Variants in KLHL26 observed in about 807,000 individuals in gnomAD.
KLHL26 encodes the protein kelch like family member 26.
In KLHL26, 4 loss-of-function variants were observed where a neutral mutation model predicts 7.1. That is an observed-to-expected ratio of 0.56 (90% confidence interval 0.28 to 1.28). The LOEUF is 1.28. Among genes scored for constraint, KLHL26 ranks in the 50% most tolerant of loss-of-function variants. The probability of loss-of-function intolerance (pLI) is 0.11; values close to 1 mark genes in which losing one functional copy is unlikely to be tolerated. For synonymous variants in KLHL26, 465 were observed against 414.1 expected (o/e 1.12, Z -1.49); for missense variants, 896 against 924.6 (o/e 0.97, Z 0.40).
chr19:18,659,339 G>C (rs989601832), intron 1 of KLHL26, among the ~76,000 whole-genome samples: 1 of 152,222 alleles, frequency 6.6e-6, no homozygotes, highest in Non-Finnish European at 1.5e-5. Flanking sequence ...GTCCCCTGAA[G>C]TACAGCCTCT....
At chr19:18,642,338 AGT>A (rs1204260630) in intron 1 of KLHL26, among the ~76,000 whole-genome samples, 8,001 of 123,684 alleles carry the variant, frequency 0.065, 261 homozygotes, top group Non-Finnish European at 0.078. Context: ...CTAGTCACCT[AGT>A]GTGTGTGTGT....
chr19:18,661,261 T>A (rs949432124), intron 1 of KLHL26, among the ~76,000 whole-genome samples: 7 of 152,268 alleles, frequency 4.6e-5, no homozygotes, highest in African/African-American at 1.7e-4. Flanking sequence ...TCCTGCCTTC[T>A]GGGTTCCGGG....
At position 18,664,159 on chromosome 19, in the gene KLHL26, T is replaced by C. The variant is rs190890280; in HGVS notation, c.84-102T>C. The C allele has an allele frequency of 1.0e-3, 1,123 of 1,083,678 alleles. 1 individual carries two copies. Among genetic ancestry groups the C allele is most frequent in the Non-Finnish European group, 1.2e-3 (950 of 770,374 alleles). 67.1% of individuals were successfully genotyped at this position (1,083,678 alleles called of 1,614,324 possible). On this transcript the variant is annotated intron_variant, in intron 1 of 2. Coordinates refer to ENST00000300976, the MANE Select transcript of KLHL26 (RefSeq NM_018316.3). ...TTCACGTCAGTGGAGTCATACACAGTGCGGCCTTTTGTGTCTGGCTTCTTG... is the reference window on the plus strand; with the variant it reads ...TTCACGTCAGTGGAGTCATACACAGCGCGGCCTTTTGTGTCTGGCTTCTTG...
chr19:18,665,301 C>T (rs1004463157), intron 2 of KLHL26, among the ~76,000 whole-genome samples: 4 of 152,228 alleles, frequency 2.6e-5, no homozygotes, highest in African/African-American at 7.2e-5. Flanking sequence ...CATGAGCCAC[C>T]TGCCTCAGCC....
chr19:18,664,200 T>C lies in KLHL26; in HGVS notation c.84-61T>C. ...TGGCTTCTTGCACTGAGTGTTGTGT[T>C]CAAGGTAATAGTGTGTGTGTGAACC... On this transcript the variant is annotated intron_variant, in intron 1 of 2. Transcript: ENST00000300976. 2.1e-6 allele frequency: 3 copies of C among 1,447,916 alleles called. No homozygotes were observed. The South Asian group carries it at 4.0e-5, about 19-fold the overall frequency. 89.7% of individuals were successfully genotyped at this position (1,447,916 alleles called of 1,614,324 possible).
intron 2 of KLHL26, among the ~76,000 whole-genome samples, chr19:18,666,819 T>C (rs2052452875): frequency 6.6e-6 from 1 of 152,190 alleles, no homozygotes; most frequent in Admixed American, 6.5e-5. Context: ...GCTGCCTGCT[T>C]AGGTCAGTGA....
intron 1 of KLHL26, among the ~76,000 whole-genome samples, chr19:18,639,289 A>C (rs1033160317): frequency 6.6e-6 from 1 of 151,380 alleles, no homozygotes; most frequent in Non-Finnish European, 1.5e-5. Flanking sequence ...TTGGCCAGGC[A>C]GGTCTGGCAT....
chr19:18,646,591 T>G lies in KLHL26; in HGVS notation c.83+9454T>G, dbSNP rs913382977. 6.6e-6 allele frequency among the ~76,000 whole-genome samples: 1 copy of G among 152,058 alleles called. No homozygotes were observed. The stretch of plus-strand genomic sequence containing the variant: ...TGTGACAGATTCCTCATCTGGGAAA[T>G]GGGGCTCCAGGCCCACCAGGTGGGG... On this transcript the variant is annotated intron_variant, in intron 1 of 2. Coordinates refer to ENST00000300976, the MANE Select transcript of KLHL26 (RefSeq NM_018316.3). This position sits in a 1 kb window ranked among gnomAD's most constrained non-coding sequence, Gnocchi z 5.0.
At chr19:18,641,711 C>A (rs1336614233) in intron 1 of KLHL26, among the ~76,000 whole-genome samples, 1 of 150,510 alleles carries the variant, frequency 6.6e-6, no homozygotes. Context: ...TCACTGCAAC[C>A]TCTGCCTCCC....
At chr19:18,659,163 C>A (rs886742721) in intron 1 of KLHL26, among the ~76,000 whole-genome samples, 1 of 152,134 alleles carries the variant, frequency 6.6e-6, no homozygotes, top group African/African-American at 2.4e-5. Flanking sequence ...GTCTCTGTCC[C>A]CTCCAAGTCT....
rs778932168 is a variant in KLHL26 at position 18,668,437 on chromosome 19, T to G, written c.1040T>G (p.Met347Arg). The G allele has an allele frequency of 1.2e-6, 2 of 1,611,452 alleles. No homozygotes were observed. The part of the protein sequence containing the change: ...GARHFRELTE[M>R]EVGCSHTCVA... ...CGCCACTTCCGCGAGCTCACGGAGATGGAGGTAGGCTGCAGCCACACGTGC... is the reference window on the plus strand; with the variant it reads ...CGCCACTTCCGCGAGCTCACGGAGAGGGAGGTAGGCTGCAGCCACACGTGC... Residue 347 changes from methionine (M) to arginine (R), a missense_variant, in exon 3 of 3, where the codon ATG becomes AGG. By Grantham distance (91) the Met-to-Arg change is moderately conservative (BLOSUM62 -1). Coordinates refer to ENST00000300976, the MANE Select transcript of KLHL26 (RefSeq NM_018316.3).
chr19:18,669,225 C>T lies in KLHL26; in HGVS notation c.1828C>T (p.Arg610Trp), dbSNP rs757323522. 21 of 1,610,392 alleles carry T rather than the reference C, an allele frequency of 1.3e-5. No individual in the cohort carries two copies. Among genetic ancestry groups the T allele is most frequent in the Middle Eastern group, 3.3e-4 (2 of 6,054 alleles). ...GIACAPVLLPRAGTRR is the reference protein window; with the variant it reads ...GIACAPVLLPWAGTRR ...AGCCTGCGCCCCCGTCCTGCTGCCC[C>T]GGGCCGGGACCAGGAGGTAGCCCCC... The change falls in exon 3 of 3, where the codon CGG becomes TGG. Residue 610 changes from arginine (R) to tryptophan (W), a missense_variant. Transcript: ENST00000300976.
intron 1 of KLHL26, among the ~76,000 whole-genome samples, chr19:18,657,027 C>G (rs374158040): frequency 1.3e-5 from 2 of 151,490 alleles, no homozygotes; most frequent in African/African-American, 4.9e-5. Flanking sequence ...CTCTGAGTCT[C>G]TGTCCCTCTG....
chr19:18,666,233 T>C (rs980270814), intron 2 of KLHL26, among the ~76,000 whole-genome samples: 1 of 151,982 alleles, frequency 6.6e-6, no homozygotes, highest in Admixed American at 6.5e-5. Context: ...GTTGGGCAGA[T>C]GTCAGTGGGC....
At chr19:18,659,829 C>T (rs553675544) in intron 1 of KLHL26, 20 of 152,452 alleles carry the variant, frequency 1.3e-4, no homozygotes, top group African/African-American at 4.8e-4. Context: ...CCCCACCTCC[C>T]TCTGCTCCTG....
intron 1 of KLHL26, among the ~76,000 whole-genome samples, chr19:18,643,076 C>T (rs1324686266): frequency 6.6e-6 from 1 of 152,074 alleles, no homozygotes; most frequent in Admixed American, 6.5e-5. Context: ...TCGTGATCCA[C>T]CTGCCTTGGC....
At chr19:18,667,396 C>T (rs889529572) in intron 2 of KLHL26, 2 of 540,848 alleles carry the variant, frequency 3.7e-6, no homozygotes, top group Non-Finnish European at 6.6e-6. Context: ...CACTCTGTCA[C>T]CCAGGCTGGA....
chr19:18,654,591 A>T (rs185936375), intron 1 of KLHL26, among the ~76,000 whole-genome samples: 5 of 150,196 alleles, frequency 3.3e-5, no homozygotes, highest in Admixed American at 3.3e-4. Context: ...CTATCCACCC[A>T]TCCATTCATC....
intron 1 of KLHL26, among the ~76,000 whole-genome samples, chr19:18,660,747 G>T (rs184372914): frequency 1.6e-4 from 25 of 152,334 alleles, no homozygotes; most frequent in African/African-American, 5.8e-4. Flanking sequence ...CAGTGGGGTG[G>T]GTTTGGCTTC....
Sources: gnomAD v4.1 joint callset for allele counts (sites outside exome capture counted in the v4.1 genomes callset) on GRCh38, gnomAD v4.1.1 for gene constraint, Gnocchi (gnomAD v3.1) non-coding constraint, MANE v1.5 for transcripts, NCBI Gene and HGNC (gene_info 2026-07-23, HGNC 2026-07-21) for gene names.